TEX29: variants seen among roughly 807,000 people sequenced by gnomAD.
TEX29 encodes testis-expressed protein 29.
A neutral mutation model predicts 18.2 loss-of-function variants in TEX29; 26 were observed. The observed-to-expected ratio is 1.43, with a 90% CI of 1.04 to 1.98. The LOEUF is 1.98. TEX29 is among the 30% of genes most tolerant of loss of function. The probability of loss-of-function intolerance (pLI) is 0.00; values close to 1 mark genes in which losing one functional copy is unlikely to be tolerated. For missense variants in TEX29, 177 were observed against 194.2 expected, an observed-to-expected ratio of 0.91 and a Z score of 0.53; for synonymous variants, 83 against 78.5, an observed-to-expected ratio of 1.06 and a Z score of -0.31.
chr13:111,343,582 C>T (rs150972459), intron 5 of TEX29, among the ~76,000 whole-genome samples: 2,878 of 152,250 alleles, frequency 0.019, 38 homozygotes, highest in Non-Finnish European at 0.03. Context: ...TGGAGGTTGC[C>T]GGTTGCTTTT....
rs2093692674 is a variant in TEX29 at position 111,338,501 on chromosome 13, T to C, written c.170-1362T>C. 1.3e-5 allele frequency among the ~76,000 whole-genome samples: 2 copies of C among 152,122 alleles called. 1 individual carries two copies. The highest frequency in any genetic ancestry group is 4.2e-4 in the South Asian group (2 of 4,818). On this transcript the variant is annotated intron_variant, in intron 3 of 5. Transcript: ENST00000283547. ...ATTTCTATTGTTTTAAGCCCCCCAG[T>C]GCATGGTACTTTCTTACAGCATCCC...
Position 111,338,305 on chromosome 13 carries a change from G to C in TEX29, c.170-1558G>C, listed in dbSNP as rs114493408. On this transcript the variant is annotated intron_variant, in intron 3 of 5. Transcript: ENST00000283547. Reference sequence around the variant, plus strand: ...AAAATGGCTGGTGTCCTTGTAAAAAGAGAAGAGACACAGAGACAGAGGAAA... The same window carrying C: ...AAAATGGCTGGTGTCCTTGTAAAAACAGAAGAGACACAGAGACAGAGGAAA... Among the ~76,000 whole-genome samples, 798 of 152,288 alleles carry C rather than the reference G, an allele frequency of 5.2e-3. 7 individuals carry two copies. Among genetic ancestry groups the C allele is most frequent in the African/African-American group, 0.018 (748 of 41,554 alleles).
intron 3 of TEX29, among the ~76,000 whole-genome samples, chr13:111,331,472 T>G (rs2093682724): frequency 6.6e-6 from 1 of 152,116 alleles, no homozygotes; most frequent in Admixed American, 6.5e-5. Flanking sequence ...TTATTAGAAA[T>G]GTGACTTGCA....
intron 2 of TEX29, among the ~76,000 whole-genome samples, chr13:111,323,773 G>A (rs994524668): frequency 1.3e-5 from 2 of 151,774 alleles, no homozygotes; most frequent in Admixed American, 6.6e-5. Context: ...TGGTTCACAC[G>A]CGCTCCAGGC....
At chr13:111,337,518 T>C (rs1244039481) in intron 3 of TEX29, among the ~76,000 whole-genome samples, 2 of 152,020 alleles carry the variant, frequency 1.3e-5, no homozygotes, top group Non-Finnish European at 2.9e-5. Flanking sequence ...ATGTCTTTTT[T>C]ACCTGGTCTC....
upstream of TEX29, among the ~76,000 whole-genome samples, chr13:111,317,377 A>G (rs557279972): frequency 6.6e-6 from 1 of 152,136 alleles, no homozygotes; most frequent in Non-Finnish European, 1.5e-5. Context: ...GGTTGGCAGC[A>G]GCATGTAGGG....
rs2093662914 is a variant in TEX29, at chr13:111,320,840, C to A, written c.-34-17C>A. On this transcript the variant is annotated splice_polypyrimidine_tract_variant and intron_variant, in intron 1 of 5. Coordinates refer to ENST00000283547, the MANE Select transcript of TEX29 (RefSeq NM_152324.3). ...GTCCCCAGGGCCCCGCCCGTGCTGA[C>A]CTCTCCTGTTTTCCAGGTGTGCTCG... The A allele has an allele frequency of 3.1e-6, 5 of 1,612,554 alleles. No individual in the cohort carries two copies. In the South Asian group the frequency reaches 4.4e-5, roughly 14 times the overall value.
At chr13:111,332,883 C>A (rs2093684613) in intron 3 of TEX29, among the ~76,000 whole-genome samples, 1 of 152,124 alleles carries the variant, frequency 6.6e-6, no homozygotes, top group African/African-American at 2.4e-5. Context: ...TCTTTCATTT[C>A]ATCCTAAGAG....
At position 111,342,839 on chromosome 13, in the gene TEX29, C is replaced by T. The variant is rs1476173120; in HGVS notation, c.323C>T (p.Ala108Val). The change falls in exon 5 of 6, where the codon GCC becomes GTC. Residue 108 changes from alanine (A) to valine (V), a missense_variant. By Grantham distance (64) the Ala-to-Val change is moderately conservative. Transcript: ENST00000283547. ...PQKSSEKAEL[A>V]SSSSKLGLKP... ...AAGTCCAGCGAAAAGGCGGAGTTGG[C>T]CTCATCCAGCAGCAAGTTAGGGCTG... 3.1e-6 allele frequency: 5 copies of T among 1,614,162 alleles called. No homozygotes were observed. Among genetic ancestry groups the T allele is most frequent in the Non-Finnish European group, 4.2e-6 (5 of 1,180,042 alleles).
chr13:111,318,715 G>A (rs1276452926), upstream of TEX29, among the ~76,000 whole-genome samples: 2 of 152,236 alleles, frequency 1.3e-5, no homozygotes, highest in Admixed American at 1.3e-4. Context: ...TCCCAGGAGA[G>A]AGAAGCAGTG....
At chr13:111,339,375 C>G (rs2093693877) in intron 3 of TEX29, 2 of 455,244 alleles carry the variant, frequency 4.4e-6, no homozygotes, top group East Asian at 6.9e-5. Flanking sequence ...GGGCCAGCGC[C>G]ATCTCTCCAC....
intron 3 of TEX29, among the ~76,000 whole-genome samples, chr13:111,332,624 T>C (rs188167481): frequency 5.3e-5 from 8 of 152,342 alleles, no homozygotes; most frequent in South Asian, 4.1e-4. Flanking sequence ...GAAGAAACTT[T>C]CAGTGTTTCA....
chr13:111,331,251 A>C (rs1203045734), intron 3 of TEX29, among the ~76,000 whole-genome samples: 3 of 150,736 alleles, frequency 2.0e-5, no homozygotes, highest in Non-Finnish European at 4.4e-5. Context: ...ATGGGTGTGA[A>C]GTTGTATCTC....
intron 2 of TEX29, among the ~76,000 whole-genome samples, chr13:111,322,218 G>A (rs772101529): frequency 4.6e-5 from 7 of 152,238 alleles, no homozygotes; most frequent in Non-Finnish European, 1.0e-4. Context: ...AGGAAGAGGG[G>A]TGTCCACAAG....
At chr13:111,319,846 C>T (rs77448024), upstream of TEX29, among the ~76,000 whole-genome samples, 329 of 152,354 alleles carry the variant, frequency 2.2e-3, 4 homozygotes, top group East Asian at 0.055. Flanking sequence ...CAGTTGCCTG[C>T]CTTCTTCCTC....
intron 2 of TEX29, among the ~76,000 whole-genome samples, chr13:111,324,752 C>G (rs766153137): frequency 6.6e-6 from 1 of 152,182 alleles, no homozygotes; most frequent in African/African-American, 2.4e-5. Context: ...CTGCCTGGGT[C>G]GGAAAGCCCT....
Position 111,342,802 on chromosome 13 carries a change from G to T in TEX29, c.286G>T (p.Ala96Ser). ...AGAAAAGGCCATCCCTGTGGATGTC[G>T]CGCTGCCACAGAAGTCCAGCGAAAA... ...RKEKAIPVDV[A>S]LPQKSSEKAE... Residue 96 changes from alanine to serine, a missense_variant, in exon 5 of 6, where the codon GCG (alanine) becomes TCG (serine). Transcript: ENST00000283547. 1 of 1,614,044 alleles carries T rather than the reference G, an allele frequency of 6.2e-7. No individual in the cohort carries two copies.
At chr13:111,322,862 G>A (rs1245173608) in intron 2 of TEX29, among the ~76,000 whole-genome samples, 1 of 152,142 alleles carries the variant, frequency 6.6e-6, no homozygotes, top group East Asian at 1.9e-4. Flanking sequence ...GCTTGGAGTT[G>A]GCTCAGGTGT....
upstream of TEX29, chr13:111,320,522 C>T: frequency 3.1e-6 from 1 of 319,160 alleles, no homozygotes; most frequent in Admixed American, 4.4e-5. Flanking sequence ...TCAATGCAGC[C>T]AGTGTCAAGG....
Sources: allele counts gnomAD v4.1 joint callset (sites outside exome capture counted in the v4.1 genomes callset), GRCh38; gene constraint gnomAD v4.1.1; transcripts MANE v1.5; gene names NCBI Gene and HGNC (gene_info 2026-07-23, HGNC 2026-07-21).